Variants in VPS54 observed in about 807,000 individuals in gnomAD.
VPS54 encodes vacuolar protein sorting-associated protein 54.
Under a neutral mutation model 121.5 loss-of-function variants are expected in VPS54, and 45 were observed. That is an observed-to-expected ratio of 0.37 (90% confidence interval 0.29 to 0.47). The LOEUF (loss-of-function observed/expected upper bound fraction) is 0.47, where lower values mean the gene tolerates loss of function less well. Ranked by LOEUF, VPS54 falls within the 20% of genes least tolerant of loss-of-function variation. The probability of loss-of-function intolerance (pLI) is 0.99; values close to 1 mark genes in which losing one functional copy is unlikely to be tolerated. For missense variants in VPS54, 1,090 were observed against 1,131.4 expected (o/e 0.96, Z 0.52); for synonymous variants, 371 against 385.8 (o/e 0.96, Z 0.45).
intron 17 of VPS54, 108 bp downstream of exon 17, chr2:63,914,074 G>A (rs1202668390): frequency 9.3e-7 from 1 of 1,080,468 alleles, no homozygotes; most frequent in Non-Finnish European, 1.4e-6. Flanking sequence ...TAAAACTAAT[G>A]TCTTAAAGTT....
At chr2:63,935,109 G>A (rs560174430) in intron 11 of VPS54, among the ~76,000 whole-genome samples, 1 of 152,120 alleles carries the variant, frequency 6.6e-6, no homozygotes, top group Non-Finnish European at 1.5e-5. Context: ...ACATAGAAGA[G>A]AGAATTGCAA....
chr2:63,956,250 C>A (rs1209347696), intron 7 of VPS54, among the ~76,000 whole-genome samples: 1 of 152,042 alleles, frequency 6.6e-6, no homozygotes, highest in Non-Finnish European at 1.5e-5. Context: ...GATTTAAGGT[C>A]AAATAACATG....
intron 11 of VPS54, among the ~76,000 whole-genome samples, chr2:63,939,475 A>G (rs1674619698): frequency 6.6e-6 from 1 of 152,118 alleles, no homozygotes; most frequent in African/African-American, 2.4e-5. Flanking sequence ...AGAGTAAATT[A>G]TTAACCCTGG....
At chr2:63,956,495 TC>T (rs1675497721) in intron 7 of VPS54, among the ~76,000 whole-genome samples, 1 of 152,156 alleles carries the variant, frequency 6.6e-6, no homozygotes, top group South Asian at 2.1e-4. Context: ...AACCTATAGC[TC>T]AATTGCCCAC....
intron 1 of VPS54, among the ~76,000 whole-genome samples, chr2:63,995,815 C>T (rs1272899924): frequency 2.0e-5 from 3 of 152,190 alleles, no homozygotes; most frequent in Admixed American, 2.0e-4. Context: ...TCAAAGGACA[C>T]CTTCTGGGTA....
intron 1 of VPS54, among the ~76,000 whole-genome samples, chr2:64,018,523 G>GA (rs1222312194): frequency 2.6e-5 from 4 of 152,100 alleles, no homozygotes; most frequent in Non-Finnish European, 5.9e-5. Context: ...TCCCCGGAGA[G>GA]AAAAACAAAC....
At chr2:63,957,489 A>T (rs1247089237) in intron 7 of VPS54, among the ~76,000 whole-genome samples, 2 of 151,982 alleles carry the variant, frequency 1.3e-5, no homozygotes, top group Non-Finnish European at 2.9e-5. Flanking sequence ...AAAATTGCCC[A>T]ATTTTGCAAC....
chr2:63,944,466 C>A (rs544082600), intron 10 of VPS54, 134 bp downstream of exon 10: 9 of 838,688 alleles, frequency 1.1e-5, no homozygotes, highest in African/African-American at 3.5e-5. Context: ...TCCACACTGT[C>A]ACTTGTGATT....
At chr2:63,916,025 A>T (rs1333546995) in intron 16 of VPS54, among the ~76,000 whole-genome samples, 4 of 152,196 alleles carry the variant, frequency 2.6e-5, no homozygotes, top group Admixed American at 2.6e-4. Flanking sequence ...AAAACACTTG[A>T]CAAGAAGAAA....
intron 7 of VPS54, 29 bp downstream of exon 7, chr2:63,962,029 A>T: frequency 2.0e-6 from 3 of 1,488,190 alleles, no homozygotes; most frequent in Non-Finnish European, 2.7e-6. Context: ...TTCTAACATT[A>T]TTTCTAGTGG....
At chr2:63,985,742 T>A (rs1006680314) in intron 1 of VPS54, among the ~76,000 whole-genome samples, 1 of 151,780 alleles carries the variant, frequency 6.6e-6, no homozygotes, top group African/African-American at 2.4e-5. Context: ...TGTAGTTGGT[T>A]CTCTATGCAA....
intron 7 of VPS54, among the ~76,000 whole-genome samples, chr2:63,953,126 ATTTTTTTTTTTTTTT>A (rs1194371865): frequency 8.4e-6 from 1 of 119,228 alleles, no homozygotes. Flanking sequence ...GAAATTTTTA[ATTTTTTTTTTTTTTT>A]TTTTTTTTTA....
chr2:63,955,665 C>T (rs1055380866), intron 7 of VPS54, among the ~76,000 whole-genome samples: 10 of 151,990 alleles, frequency 6.6e-5, no homozygotes, highest in Admixed American at 1.3e-4. Context: ...TAACACCAAA[C>T]AGTACTTATT....
rs552407365 is a variant in VPS54, at chr2:63,974,967, T to A, written c.379-2723A>T. The A allele has an allele frequency of 7.2e-5, 112 of 1,545,604 alleles. No individual in the cohort carries two copies. The African/African-American group carries it at 1.4e-3, about 20-fold the overall frequency. On this transcript the variant is annotated intron_variant, in intron 3 of 22. Transcript: ENST00000272322. ...TCCAAGACAATGTTAAAAGAAACAG[T>A]GACAGGGGACATCCTTACCTTGATC...
chr2:63,909,348 G>C lies in VPS54; in HGVS notation c.2625+2997C>G, dbSNP rs1302234412. On this transcript the variant is annotated intron_variant, in intron 20 of 22. Coordinates refer to ENST00000272322, the MANE Select transcript of VPS54 (RefSeq NM_016516.3). Reference sequence around the variant, plus strand: ...GAATGGTGGTTGGAACATTAGTCTAGCTGTTAGTACAATTAGATATTGTTT... The same window carrying C: ...GAATGGTGGTTGGAACATTAGTCTACCTGTTAGTACAATTAGATATTGTTT... Among the ~76,000 whole-genome samples the C allele has an allele frequency of 2.0e-5, 3 of 150,930 alleles. No individual in the cohort carries two copies. In the East Asian group the frequency reaches 5.8e-4, roughly 29 times the overall value.
In VPS54 at chr2:64,018,919, G is replaced by C. The variant is rs965080741; in HGVS notation, c.-21+19C>G. On this transcript the variant is annotated intron_variant, in intron 1 of 22. Transcript: ENST00000272322. ...TGAGAGTGGGCTGAGACGCGCGGGG[G>C]GCCGCGGGGCACACCTACCTGCGGG... 1 of 151,660 alleles carries C rather than the reference G, an allele frequency of 6.6e-6. No individual in the cohort carries two copies. Among genetic ancestry groups the C allele is most frequent in the South Asian group, 2.1e-4 (1 of 4,814 alleles). 9.4% of individuals were successfully genotyped at this position (151,660 alleles called of 1,614,324 possible).
At chr2:63,925,025 A>C (rs942118133) in intron 12 of VPS54, among the ~76,000 whole-genome samples, 1 of 152,246 alleles carries the variant, frequency 6.6e-6, no homozygotes, top group African/African-American at 2.4e-5. Flanking sequence ...ACAGGACACA[A>C]AGAAGCATAA....
chr2:63,947,351 C>A, intron 9 of VPS54, 32 bp downstream of exon 9: 2 of 1,501,068 alleles, frequency 1.3e-6, no homozygotes, highest in Non-Finnish European at 1.8e-6. Context: ...AGGTTCCAGA[C>A]CAAAATATGT....
intron 20 of VPS54, among the ~76,000 whole-genome samples, chr2:63,902,341 A>G (rs1473589079): frequency 6.6e-6 from 1 of 152,242 alleles, no homozygotes; most frequent in African/African-American, 2.4e-5. Flanking sequence ...AACACAAGGT[A>G]GTAGCAGCCT....
Sources: gnomAD v4.1 joint callset for allele counts (sites outside exome capture counted in the v4.1 genomes callset) on GRCh38, gnomAD v4.1.1 for gene constraint, MANE v1.5 for transcripts, NCBI Gene and HGNC (gene_info 2026-07-23, HGNC 2026-07-21) for gene names.